Variants in EPS8 observed in about 807,000 individuals in gnomAD.
The protein encoded by EPS8 is EGFR pathway substrate 8, signaling adaptor.
In EPS8, 42 loss-of-function variants were observed where a neutral mutation model predicts 103.8. The observed-to-expected ratio is 0.40, with a 90% CI of 0.32 to 0.52. The LOEUF (loss-of-function observed/expected upper bound fraction) is 0.52, where lower values mean the gene tolerates loss of function less well. Ranked by LOEUF, EPS8 falls within the 20% of genes least tolerant of loss-of-function variation. The pLI, the probability that EPS8 is intolerant of heterozygous loss-of-function variation, is 0.40. For synonymous variants in EPS8, 344 were observed against 344.6 expected, an observed-to-expected ratio of 1.00 and a Z score of 0.02; for missense variants, 969 against 1,005.1, an observed-to-expected ratio of 0.96 and a Z score of 0.49.
rs900567704 is a variant in EPS8, at chr12:15,688,391, T to C, written c.-21-5419A>G. Among the ~76,000 whole-genome samples, 3 of 152,130 alleles carry C rather than the reference T, an allele frequency of 2.0e-5. No homozygotes were observed. The highest frequency in any genetic ancestry group is 4.8e-5 in the African/African-American group (2 of 41,426). On this transcript the variant is annotated intron_variant, in intron 1 of 20. Coordinates refer to ENST00000281172, the MANE Select transcript of EPS8 (RefSeq NM_004447.6). This position sits in a 1 kb window ranked among gnomAD's most constrained non-coding sequence, Gnocchi z 5.1. ...GCTGGGTAGAGGAAGGCGGGGTCACTGGTTAGGGCTCCACCCCCATGGACC... is the reference window on the plus strand; with the variant it reads ...GCTGGGTAGAGGAAGGCGGGGTCACCGGTTAGGGCTCCACCCCCATGGACC...
intron 3 of EPS8, among the ~76,000 whole-genome samples, chr12:15,676,043 C>T (rs549375743): frequency 2.0e-5 from 3 of 151,966 alleles, no homozygotes; most frequent in South Asian, 2.1e-4. Context: ...GAGACGGAGG[C>T]GGGCAGATCT....
intron 17 of EPS8, among the ~76,000 whole-genome samples, chr12:15,638,894 A>C (rs1393350241): frequency 6.6e-6 from 1 of 152,262 alleles, no homozygotes; most frequent in Non-Finnish European, 1.5e-5. Flanking sequence ...GCCAAGAATC[A>C]GAATTAAAGA....
In EPS8 at chr12:15,620,355, A is replaced by G. The variant is rs1944843061; in HGVS notation, c.*962T>C. On this transcript the variant is annotated 3_prime_UTR_variant, in exon 21 of 21. Coordinates refer to ENST00000281172, the MANE Select transcript of EPS8 (RefSeq NM_004447.6). ...TGACAAAAATTGTGTTTCCAAAAAT[A>G]ACATTTGTTGAAGGTTAGGTATCTT... 6.5e-6 allele frequency: 1 copy of G among 152,684 alleles called. No individual in the cohort carries two copies. The allele number at this position is 152,684 out of a possible 1,614,324, so 9.5% of individuals were successfully genotyped here. A position where few individuals can be genotyped will look rare whatever the true frequency, so the allele number is the denominator to read the frequency against.
At chr12:15,671,035 G>T (rs1945807115) in intron 3 of EPS8, 112 bp from the exon 4 acceptor site, 2 of 657,200 alleles carry the variant, frequency 3.0e-6, no homozygotes, top group African/African-American at 3.7e-5. Flanking sequence ...AAATACAGTA[G>T]CTGACAAGTT....
In EPS8 at chr12:15,669,648, A is replaced by C; in HGVS notation, c.366+16T>G. 1 of 1,575,080 alleles carries C rather than the reference A, an allele frequency of 6.3e-7. No individual in the cohort carries two copies. Among genetic ancestry groups the C allele is most frequent in the South Asian group, 1.2e-5 (1 of 85,380 alleles). On this transcript the variant is annotated intron_variant, in intron 5 of 20. Coordinates refer to ENST00000281172, the MANE Select transcript of EPS8 (RefSeq NM_004447.6). ...AGTTTCTTGAAAATAAAATAGTATA[A>C]ATTTTACACACTTGCCTTTGATTCT...
At chr12:15,667,983 G>T (rs920738723) in intron 6 of EPS8, among the ~76,000 whole-genome samples, 3 of 152,154 alleles carry the variant, frequency 2.0e-5, no homozygotes, top group East Asian at 1.9e-4. Flanking sequence ...CCCGGGGGGG[G>T]CTTTTTAGAA....
At chr12:15,663,941 A>ATAATAAT (rs71042266) in intron 8 of EPS8, among the ~76,000 whole-genome samples, 1,618 of 72,924 alleles carry the variant, frequency 0.022, 42 homozygotes, top group African/African-American at 0.023. Context: ...AAAAAAAAAA[A>ATAATAAT]AAAAATAATA....
intron 15 of EPS8, among the ~76,000 whole-genome samples, chr12:15,645,731 A>G (rs1035245117): frequency 2.0e-5 from 3 of 152,152 alleles, no homozygotes; most frequent in Non-Finnish European, 2.9e-5. Flanking sequence ...CTGAAATACT[A>G]GATATACTCT....
rs919657527 is a variant in EPS8, at chr12:15,725,684, A to C, written c.-21-42712T>G. Among the ~76,000 whole-genome samples the C allele has an allele frequency of 3.3e-5, 5 of 152,200 alleles. No individual in the cohort carries two copies. The highest frequency in any genetic ancestry group is 5.9e-5 in the Non-Finnish European group (4 of 68,038). Reference sequence around the variant, plus strand: ...AGACCTGTAAAGATCTCATTATCTCATTAAAAGAATCCTGACTCATCATCA... The same window carrying C: ...AGACCTGTAAAGATCTCATTATCTCCTTAAAAGAATCCTGACTCATCATCA... On this transcript the variant is annotated intron_variant, in intron 1 of 20. Transcript: ENST00000281172. This position sits in a 1 kb window ranked among gnomAD's most constrained non-coding sequence, Gnocchi z 4.5.
chr12:15,630,848 G>C (rs554585430), intron 18 of EPS8, among the ~76,000 whole-genome samples: 1 of 152,168 alleles, frequency 6.6e-6, no homozygotes, highest in Admixed American at 6.5e-5. Flanking sequence ...CTGTTGCTGG[G>C]GACTGTCCTG....
In EPS8 at chr12:15,700,612, C is replaced by A. The variant is rs185680212; in HGVS notation, c.-21-17640G>T. On this transcript the variant is annotated intron_variant, in intron 1 of 20. Transcript: ENST00000281172. The surrounding 1 kb of genome is among the most constrained non-coding windows in gnomAD (Gnocchi z 5.1). ...CAATTAGATAAAAGAGCCTCAATGC[C>A]AACTGAGCAGAAAAACCAATGAAGG... Among the ~76,000 whole-genome samples, 3 of 152,190 alleles carry A rather than the reference C, an allele frequency of 2.0e-5. No individual in the cohort carries two copies. The East Asian group carries it at 5.8e-4, about 29-fold the overall frequency.
At position 15,681,392 on chromosome 12, in the gene EPS8, A is replaced by G. The variant is rs1341022403; in HGVS notation, c.60-90T>C. The G allele has an allele frequency of 2.5e-5, 12 of 481,844 alleles. No homozygotes were observed. In the East Asian group the frequency reaches 6.2e-4, roughly 25 times the overall value. The allele number at this position is 481,844 out of a possible 1,614,324, so 29.8% of individuals were successfully genotyped here. Reference sequence around the variant, plus strand: ...CAATATAAGTAACAGAAACTCAACTAGAAAATAAAAATTCCAATGCACTAT... The same window carrying G: ...CAATATAAGTAACAGAAACTCAACTGGAAAATAAAAATTCCAATGCACTAT... On this transcript the variant is annotated intron_variant, in intron 2 of 20. Coordinates refer to ENST00000281172, the MANE Select transcript of EPS8 (RefSeq NM_004447.6).
rs193068064 is a variant in EPS8 at position 15,727,837 on chromosome 12, G to A, written c.-21-44865C>T. 0.012 allele frequency among the ~76,000 whole-genome samples: 1,800 copies of A among 152,204 alleles called. 19 individuals carry two copies. The highest frequency in any genetic ancestry group is 0.02 in the Middle Eastern group (6 of 294). ...TGTGCCACTGCACTCCAGCCTGGGCGACAGAGCGAGACTCCATCCCCAAAA... is the reference window on the plus strand; with the variant it reads ...TGTGCCACTGCACTCCAGCCTGGGCAACAGAGCGAGACTCCATCCCCAAAA... On this transcript the variant is annotated intron_variant, in intron 1 of 20. Transcript: ENST00000281172. This position sits in a 1 kb window ranked among gnomAD's most constrained non-coding sequence, Gnocchi z 4.3.
intron 1 of EPS8, chr12:15,712,976 C>T (rs747958387): frequency 2.7e-5 from 27 of 985,382 alleles, no homozygotes; most frequent in Non-Finnish European, 3.1e-5. Context: ...GGACTCTAAG[C>T]GTCAGTTTCG....
chr12:15,685,871 G>A (rs911147875), intron 1 of EPS8, among the ~76,000 whole-genome samples: 6 of 152,068 alleles, frequency 3.9e-5, no homozygotes, highest in Non-Finnish European at 7.4e-5. Flanking sequence ...AAAATTAAGT[G>A]TTTTTATTTT....
intron 15 of EPS8, among the ~76,000 whole-genome samples, chr12:15,642,936 A>G (rs1945257479): frequency 6.6e-6 from 1 of 152,222 alleles, no homozygotes; most frequent in African/African-American, 2.4e-5. Flanking sequence ...ACAGATAAGC[A>G]TGTAAGAACA....
intron 1 of EPS8, among the ~76,000 whole-genome samples, chr12:15,708,847 A>C (rs948374348): frequency 6.6e-6 from 1 of 152,212 alleles, no homozygotes; most frequent in Non-Finnish European, 1.5e-5. Context: ...GTTTCTCTTC[A>C]ATTTCCTATC....
Position 15,734,822 on chromosome 12 carries a change from A to G in EPS8, c.-21-51850T>C, listed in dbSNP as rs370725679. Among the ~76,000 whole-genome samples, 67 of 152,370 alleles carry G rather than the reference A, an allele frequency of 4.4e-4. No homozygotes were observed. In the East Asian group the frequency reaches 6.7e-3, roughly 15 times the overall value. Reference sequence around the variant, plus strand: ...TTCACGATATTAATACTTCTACCTTACATTGTTCATAATAAAATACTTTCA... The same window carrying G: ...TTCACGATATTAATACTTCTACCTTGCATTGTTCATAATAAAATACTTTCA... On this transcript the variant is annotated intron_variant, in intron 1 of 20. Transcript: ENST00000281172. The surrounding 1 kb of genome is among the most constrained non-coding windows in gnomAD (Gnocchi z 4.1).
At chr12:15,715,244 T>C (rs1234085053) in intron 1 of EPS8, among the ~76,000 whole-genome samples, 1 of 152,168 alleles carries the variant, frequency 6.6e-6, no homozygotes, top group Non-Finnish European at 1.5e-5. Context: ...TGAGGTGGCC[T>C]CTCAGCTTTG....
Sources: allele counts gnomAD v4.1 joint callset (sites outside exome capture counted in the v4.1 genomes callset), GRCh38; gene constraint gnomAD v4.1.1; non-coding constraint Gnocchi (gnomAD v3.1); transcripts MANE v1.5; gene names NCBI Gene and HGNC (gene_info 2026-07-23, HGNC 2026-07-21).